Variants in NEGR1 observed in about 807,000 individuals in gnomAD.
NEGR1 encodes the protein neuronal growth regulator 1.
Under a neutral mutation model 40.9 loss-of-function variants are expected in NEGR1, and 10 were observed. That is an observed-to-expected ratio of 0.24 (90% CI 0.15 to 0.42). The LOEUF (loss-of-function observed/expected upper bound fraction) is 0.42, where lower values mean the gene tolerates loss of function less well. Among genes scored for constraint, NEGR1 ranks in the 10% least tolerant of loss-of-function variants. NEGR1 has a pLI of 1.00. For missense variants in NEGR1, 352 were observed against 438.9 expected (o/e 0.80, Z 1.77); for synonymous variants, 185 against 166.8 (o/e 1.11, Z -0.84).
intron 1 of NEGR1, among the ~76,000 whole-genome samples, chr1:72,254,854 A>G (rs575536941): frequency 2.0e-5 from 3 of 149,514 alleles, no homozygotes; most frequent in African/African-American, 7.7e-5. Context: ...TGTCTCTTTC[A>G]TATTATTTAT....
At chr1:71,573,468 G>T (rs1648869495) in intron 6 of NEGR1, 1 of 152,178 alleles carries the variant, frequency 6.6e-6, no homozygotes, top group African/African-American at 2.4e-5. Context: ...TTCTTTACAA[G>T]TCTAACTACA....
intron 1 of NEGR1, among the ~76,000 whole-genome samples, chr1:72,278,900 TA>T (rs1302919837): frequency 3.9e-5 from 6 of 152,144 alleles, no homozygotes; most frequent in South Asian, 4.1e-4. Flanking sequence ...AGACATCATA[TA>T]TTTTTTAAAT....
chr1:71,872,928 A>C (rs890132096), intron 2 of NEGR1, among the ~76,000 whole-genome samples: 2 of 151,952 alleles, frequency 1.3e-5, no homozygotes, highest in South Asian at 4.2e-4. Context: ...TATTTTTCCT[A>C]CTGAAAATGG....
intron 1 of NEGR1, among the ~76,000 whole-genome samples, chr1:72,138,626 A>C (rs929631722): frequency 9.2e-5 from 14 of 152,050 alleles, no homozygotes; most frequent in African/African-American, 3.4e-4. Context: ...CTGAGATAAA[A>C]AAGGTGATTT....
Position 72,268,640 on chromosome 1 carries a change from T to C in NEGR1, c.176+13679A>G, listed in dbSNP as rs17097679. ...CCTATAGGAAAAACTGTACAATGAATGGAAAAATATAAATTTACAAAGAAA... is the reference window on the plus strand; with the variant it reads ...CCTATAGGAAAAACTGTACAATGAACGGAAAAATATAAATTTACAAAGAAA... On this transcript the variant is annotated intron_variant, in intron 1 of 6. Coordinates refer to ENST00000357731, the MANE Select transcript of NEGR1 (RefSeq NM_173808.3). Among the ~76,000 whole-genome samples, 395 of 151,324 alleles carry C rather than the reference T, an allele frequency of 2.6e-3. 2 individuals carry two copies. The highest frequency in any genetic ancestry group is 9.1e-3 in the African/African-American group (378 of 41,388).
At chr1:71,961,108 A>G (rs1349015055) in intron 1 of NEGR1, among the ~76,000 whole-genome samples, 2 of 152,130 alleles carry the variant, frequency 1.3e-5, no homozygotes, top group Non-Finnish European at 2.9e-5. Flanking sequence ...TTTCCTGATC[A>G]TATTTTAGGC....
chr1:71,469,122 T>A (rs1026211363), intron 6 of NEGR1, among the ~76,000 whole-genome samples: 1 of 152,078 alleles, frequency 6.6e-6, no homozygotes, highest in Non-Finnish European at 1.5e-5. Flanking sequence ...TGATTCATGA[T>A]AACAGCCTCC....
At chr1:72,190,622 T>C (rs1652786972) in intron 1 of NEGR1, among the ~76,000 whole-genome samples, 1 of 151,644 alleles carries the variant, frequency 6.6e-6, no homozygotes, top group Non-Finnish European at 1.5e-5. Context: ...TACTTCAATT[T>C]AATTTTGTTT....
chr1:71,432,679 C>G (rs927681197), intron 6 of NEGR1, among the ~76,000 whole-genome samples: 3 of 152,230 alleles, frequency 2.0e-5, no homozygotes, highest in African/African-American at 7.2e-5. Context: ...AGGATCATTT[C>G]AATTCCAAAG....
intron 1 of NEGR1, among the ~76,000 whole-genome samples, chr1:72,131,337 A>T (rs910716152): frequency 7.9e-5 from 12 of 152,192 alleles, no homozygotes; most frequent in Non-Finnish European, 1.3e-4. Flanking sequence ...GGATCTTATA[A>T]TATTATAATA....
chr1:71,822,915 G>C (rs537295070), intron 2 of NEGR1, among the ~76,000 whole-genome samples: 1 of 152,020 alleles, frequency 6.6e-6, no homozygotes, highest in Non-Finnish European at 1.5e-5. Flanking sequence ...AGAACCGCCT[G>C]CTGAAAGCAT....
intron 2 of NEGR1, among the ~76,000 whole-genome samples, chr1:71,898,949 AATATATATATATAGCAT>A (rs1370838761): frequency 1.0e-4 from 12 of 119,326 alleles, no homozygotes; most frequent in East Asian, 2.5e-4. Context: ...ATATATTGCA[AATATATATATATAGCAT>A]ATATATATAT....
intron 3 of NEGR1, among the ~76,000 whole-genome samples, chr1:71,707,756 G>T (rs532525353): frequency 6.6e-6 from 1 of 152,292 alleles, no homozygotes; most frequent in East Asian, 1.9e-4. Context: ...GTGGCCACAG[G>T]GGTGCTTGTG....
intron 1 of NEGR1, among the ~76,000 whole-genome samples, chr1:72,030,689 T>C (rs1646850304): frequency 6.6e-6 from 1 of 152,142 alleles, no homozygotes; most frequent in Admixed American, 6.5e-5. Flanking sequence ...GTACACTACA[T>C]ATAATTGAAC....
intron 6 of NEGR1, among the ~76,000 whole-genome samples, chr1:71,562,495 T>C (rs1449790717): frequency 6.6e-6 from 1 of 151,922 alleles, no homozygotes; most frequent in Non-Finnish European, 1.5e-5. Context: ...GTCATTTTCA[T>C]TCCAACTTGA....
intron 1 of NEGR1, among the ~76,000 whole-genome samples, chr1:72,248,972 A>C (rs1245392248): frequency 1.3e-5 from 2 of 152,198 alleles, no homozygotes; most frequent in African/African-American, 4.8e-5. Flanking sequence ...CTACTCCATT[A>C]TTCATTTTTA....
intron 1 of NEGR1, chr1:72,274,960 G>A (rs557447221): frequency 2.0e-6 from 3 of 1,523,218 alleles, no homozygotes; most frequent in Non-Finnish European, 2.7e-6. Flanking sequence ...CGATGTAGCA[G>A]CACAAGGGAA....
At chr1:72,275,214 C>CA (rs1245055941) in intron 1 of NEGR1, 4 of 593,114 alleles carry the variant, frequency 6.7e-6, no homozygotes, top group Non-Finnish European at 9.0e-6. Flanking sequence ...CACAAAATAT[C>CA]AAAAAATTTC....
In NEGR1 at chr1:72,282,399, G is replaced by T. The variant is rs1165186644; in HGVS notation, c.96C>A (p.Leu32=). 6.2e-7 allele frequency: 1 copy of T among 1,613,832 alleles called. No individual in the cohort carries two copies. Among genetic ancestry groups the T allele is most frequent in the African/African-American group, 1.3e-5 (1 of 74,862 alleles). ...GGAAGTCCACACTCTGTCCAGCCGG[G>T]AGGCAGGAGGGTAGCAGGCAGCACA... The part of the protein sequence containing the change: ...LSLCCLLPSC[L]PAGQSVDFPW... Residue 32 remains leucine (L), a synonymous_variant, in exon 1 of 7, where the codon CTC becomes CTA. Transcript: ENST00000357731.
Sources: allele counts gnomAD v4.1 joint callset (sites outside exome capture counted in the v4.1 genomes callset), GRCh38; gene constraint gnomAD v4.1.1; transcripts MANE v1.5; gene names NCBI Gene and HGNC (gene_info 2026-07-23, HGNC 2026-07-21).